The following SLC22A4 variants were observed in gnomAD, a reference collection of about 807,000 sequenced individuals.
The protein encoded by SLC22A4 is solute carrier family 22 member 4.
SLC22A4 carries 39 observed loss-of-function variants against 56.6 expected under a neutral mutation model. The ratio of observed to expected loss-of-function variants is 0.69; its 90% CI spans 0.53 to 0.90. The LOEUF is 0.90. SLC22A4 is among the 40% of genes least tolerant of loss of function. SLC22A4 has a pLI of 0.00. For missense variants in SLC22A4, 594 were observed against 696.5 expected, an observed-to-expected ratio of 0.85 and a Z score of 1.66; for synonymous variants, 241 against 281.4, an observed-to-expected ratio of 0.86 and a Z score of 1.44.
At chr5:132,335,374 C>T (rs1403753387) in intron 7 of SLC22A4, among the ~76,000 whole-genome samples, 1 of 152,308 alleles carries the variant, frequency 6.6e-6, no homozygotes, top group East Asian at 1.9e-4. Context: ...ATATATGCTT[C>T]CCTTTTCCCC....
At chr5:132,317,526 C>G (rs1750396912) in intron 3 of SLC22A4, among the ~76,000 whole-genome samples, 1 of 152,232 alleles carries the variant, frequency 6.6e-6, no homozygotes, top group African/African-American at 2.4e-5. Flanking sequence ...ATGAAGACAA[C>G]ACATTTCGGT....
intron 5 of SLC22A4, among the ~76,000 whole-genome samples, chr5:132,330,988 C>T (rs188799318): frequency 5.6e-4 from 85 of 152,202 alleles, no homozygotes; most frequent in African/African-American, 1.7e-3. Flanking sequence ...CAGAGAGGAT[C>T]GTTACTTGCC....
chr5:132,295,138 C>G (rs1321042106), intron 1 of SLC22A4, 129 bp downstream of exon 1: 1 of 1,083,306 alleles, frequency 9.2e-7, no homozygotes, highest in African/African-American at 1.6e-5. Context: ...GTTCATACTT[C>G]CAGCAGCGGG....
intron 8 of SLC22A4, 150 bp from the exon 9 acceptor site, chr5:132,340,415 A>C: frequency 1.3e-6 from 1 of 786,786 alleles, no homozygotes; most frequent in South Asian, 1.4e-5. Context: ...GCCAAAAAGA[A>C]ACTGATATTT....
rs1751009859 is a variant in SLC22A4, at chr5:132,335,892, G to A, written c.1336G>A (p.Val446Ile). The A allele has an allele frequency of 6.2e-7, 1 of 1,614,142 alleles. No individual in the cohort carries two copies. Among genetic ancestry groups the A allele is most frequent in the South Asian group, 1.1e-5 (1 of 91,084 alleles). ...GITSAFSMLY[V>I]FTAELYPTLV... is the part of the protein sequence containing the mutation. The stretch of plus-strand genomic sequence containing the variant: ...CACCTCTGCTTTCTCCATGCTGTAT[G>A]TCTTCACTGCTGAGCTCTACCCAAC... Residue 446 changes from valine to isoleucine, a missense_variant, in exon 8 of 10, where the codon GTC (valine) becomes ATC (isoleucine). Physicochemically the swap from Val to Ile is conservative, Grantham distance 29. Coordinates refer to ENST00000200652, the MANE Select transcript of SLC22A4 (RefSeq NM_003059.3).
chr5:132,336,110 C>G, intron 8 of SLC22A4, 110 bp downstream of exon 8: 2 of 1,108,828 alleles, frequency 1.8e-6, no homozygotes, highest in Non-Finnish European at 1.3e-6. Flanking sequence ...GAAAAAAGTA[C>G]AAGTTCACCT....
intron 3 of SLC22A4, among the ~76,000 whole-genome samples, chr5:132,313,979 GAGA>G (rs1173378256): frequency 2.6e-5 from 4 of 152,228 alleles, no homozygotes; most frequent in Non-Finnish European, 5.9e-5. Flanking sequence ...AAATGTGGTG[GAGA>G]AGAAGAGCAG....
intron 8 of SLC22A4, among the ~76,000 whole-genome samples, chr5:132,339,779 G>A (rs757758521): frequency 5.9e-5 from 9 of 152,154 alleles, no homozygotes; most frequent in Non-Finnish European, 1.3e-4. Flanking sequence ...GTGACACAGA[G>A]GCCTCAGAGA....
chr5:132,313,862 A>G lies in SLC22A4; in HGVS notation c.652+94A>G, dbSNP rs936829585. The G allele has an allele frequency of 9.1e-5, 121 of 1,328,612 alleles. No individual in the cohort carries two copies. In the Middle Eastern group the frequency reaches 1.8e-3, roughly 20 times the overall value. The allele number at this position is 1,328,612 out of a possible 1,614,324, so 82.3% of individuals were successfully genotyped here. On this transcript the variant is annotated intron_variant, in intron 3 of 9. Transcript: ENST00000200652. ...ATTGGGCCATTGGGCTGTGCTTCCA[A>G]AGCCTTTGGATATATGTGTCTTGGG...
At chr5:132,308,744 T>A (rs1049894131) in intron 1 of SLC22A4, among the ~76,000 whole-genome samples, 3 of 152,172 alleles carry the variant, frequency 2.0e-5, no homozygotes, top group African/African-American at 7.2e-5. Flanking sequence ...TGTGAGAACC[T>A]TGGTCTGGGA....
In SLC22A4 at chr5:132,337,148, G is replaced by A. The variant is rs1454210344; in HGVS notation, c.1444+1148G>A. 2.6e-5 allele frequency among the ~76,000 whole-genome samples: 4 copies of A among 151,818 alleles called. No individual in the cohort carries two copies. In the South Asian group the frequency reaches 6.2e-4, roughly 24 times the overall value. ...ATAGAAGTAAAATTCCTGGAGCAAA[G>A]AGAGCCATTAAAAAATTTCATAGAT... On this transcript the variant is annotated intron_variant, in intron 8 of 9. Transcript: ENST00000200652.
chr5:132,299,016 CCT>C (rs1389418088), intron 1 of SLC22A4, among the ~76,000 whole-genome samples: 1 of 152,244 alleles, frequency 6.6e-6, no homozygotes, highest in African/African-American at 2.4e-5. Flanking sequence ...GCCCAGGGCC[CCT>C]GAGAAGGTTC....
chr5:132,342,566 C>CT (rs1418816408), intron 9 of SLC22A4, among the ~76,000 whole-genome samples: 2 of 152,194 alleles, frequency 1.3e-5, no homozygotes, highest in African/African-American at 4.8e-5. Flanking sequence ...ACAATACTGC[C>CT]TTGCTTCACT....
rs760482890 is a variant in SLC22A4, at chr5:132,313,685, C to G, written c.569C>G (p.Ser190Cys). The G allele has an allele frequency of 6.2e-7, 1 of 1,614,060 alleles. No individual in the cohort carries two copies. The highest frequency in any genetic ancestry group is 8.5e-7 in the Non-Finnish European group (1 of 1,179,870). Residue 190 changes from serine (S) to cysteine (C), a missense_variant, in exon 3 of 10, where the codon TCC becomes TGC. Ser to Cys is a moderately radical substitution (Grantham distance 112, BLOSUM62 -1). Coordinates refer to ENST00000200652, the MANE Select transcript of SLC22A4 (RefSeq NM_003059.3). ...GGCTTCAGCTTCCTGCAGATTTTCTCCATCAGCTGGGAGATGTTCACTGTG... is the reference window on the plus strand; with the variant it reads ...GGCTTCAGCTTCCTGCAGATTTTCTGCATCAGCTGGGAGATGTTCACTGTG... ...QTGFSFLQIF[S>C]ISWEMFTVLF...
At chr5:132,322,668 G>A (rs1246159839) in intron 4 of SLC22A4, among the ~76,000 whole-genome samples, 1 of 152,084 alleles carries the variant, frequency 6.6e-6, no homozygotes, top group African/African-American at 2.4e-5. Context: ...TCTGCCCCCT[G>A]CTCTTTCATC....
At chr5:132,312,378 G>T in intron 2 of SLC22A4, 114 bp downstream of exon 2, 2 of 771,022 alleles carry the variant, frequency 2.6e-6, no homozygotes, top group South Asian at 2.8e-5. Flanking sequence ...GGACCCTCAG[G>T]CCACTGATTC....
chr5:132,327,500 A>G (rs1158411380), intron 5 of SLC22A4, 97 bp downstream of exon 5: 1 of 1,030,572 alleles, frequency 9.7e-7, no homozygotes, highest in Non-Finnish European at 1.5e-6. Context: ...CCCACTATGT[A>G]CCAGGCATTG....
rs772796676 is a variant in SLC22A4, at chr5:132,327,309, C to G, written c.857C>G (p.Ser286Cys). The G allele has an allele frequency of 5.0e-6, 8 of 1,607,020 alleles. No individual in the cohort carries two copies. The highest frequency in any genetic ancestry group is 1.7e-4 in the Middle Eastern group (1 of 6,044). Reference sequence around the variant, plus strand: ...CCTGAATCTCCCCGATGGCTGATATCCCAGAGAAGATTTAGAGAGGCTGAA... The same window carrying G: ...CCTGAATCTCCCCGATGGCTGATATGCCAGAGAAGATTTAGAGAGGCTGAA... ...FIPESPRWLI[S>C]QRRFREAEDI... Residue 286 changes from serine to cysteine, a missense_variant, in exon 5 of 10, where the codon TCC (serine) becomes TGC (cysteine). Physicochemically the swap from Ser to Cys is moderately radical, Grantham distance 112. Transcript: ENST00000200652.
At chr5:132,325,353 A>G (rs1750661278) in intron 4 of SLC22A4, among the ~76,000 whole-genome samples, 2 of 152,240 alleles carry the variant, frequency 1.3e-5, no homozygotes, top group Non-Finnish European at 2.9e-5. Flanking sequence ...CACTAGCTCA[A>G]TAGCTACATG....
Sources: gnomAD v4.1 joint callset for allele counts (sites outside exome capture counted in the v4.1 genomes callset) on GRCh38, gnomAD v4.1.1 for gene constraint, MANE v1.5 for transcripts, NCBI Gene and HGNC (gene_info 2026-07-23, HGNC 2026-07-21) for gene names.